The following PPP2R2C variants were observed in gnomAD, a reference collection of about 807,000 sequenced individuals.
PPP2R2C encodes the protein protein phosphatase 2 regulatory subunit Bgamma.
A neutral mutation model predicts 45.3 loss-of-function variants in PPP2R2C; 10 were observed. The observed-to-expected ratio is 0.22, with a 90% confidence interval of 0.14 to 0.37. The LOEUF is 0.37. PPP2R2C is among the 10% of genes least tolerant of loss of function. The pLI is 1.00. For missense variants in PPP2R2C, 308 were observed against 619.7 expected (o/e 0.50, Z 5.34); for synonymous variants, 257 against 245.4 (o/e 1.05, Z -0.44).
At chr4:6,444,531 G>T (rs1397865796) in intron 1 of PPP2R2C, among the ~76,000 whole-genome samples, 1 of 152,160 alleles carries the variant, frequency 6.6e-6, no homozygotes, top group African/African-American at 2.4e-5. Flanking sequence ...GCACAGCCCA[G>T]GTGTAAATCT....
At chr4:6,544,861 T>G (rs754135424) in intron 1 of PPP2R2C, among the ~76,000 whole-genome samples, 4 of 152,248 alleles carry the variant, frequency 2.6e-5, no homozygotes, top group Admixed American at 6.5e-5. Flanking sequence ...AATGTCCCTG[T>G]CACTGCACAG....
chr4:6,396,653 G>C (rs192319762), intron 1 of PPP2R2C, among the ~76,000 whole-genome samples: 1 of 152,334 alleles, frequency 6.6e-6, no homozygotes, highest in African/African-American at 2.4e-5. Flanking sequence ...TCATTTAAGG[G>C]TGTTGATGAT....
chr4:6,355,154 C>A (rs1713033259), intron 5 of PPP2R2C, among the ~76,000 whole-genome samples: 1 of 152,218 alleles, frequency 6.6e-6, no homozygotes, highest in African/African-American at 2.4e-5. Flanking sequence ...AGGATTGCTG[C>A]TGCACCTTCA....
rs886647985 is a variant in PPP2R2C, at chr4:6,364,498, T to C, written c.625+8025A>G. On this transcript the variant is annotated intron_variant, in intron 5 of 8. Coordinates refer to ENST00000382599, the MANE Select transcript of PPP2R2C (RefSeq NM_020416.4). The surrounding 1 kb of genome is among the most constrained non-coding windows in gnomAD (Gnocchi z 5.3). Reference sequence around the variant, plus strand: ...GATCTTGTCGTTTTTTTTTTTCTCATGTTGTAGGAGAACAGACTGTAAGGA... The same window carrying C: ...GATCTTGTCGTTTTTTTTTTTCTCACGTTGTAGGAGAACAGACTGTAAGGA... Among the ~76,000 whole-genome samples the C allele has an allele frequency of 4.6e-5, 7 of 151,480 alleles. No individual in the cohort carries two copies. Among genetic ancestry groups the C allele is most frequent in the Non-Finnish European group, 1.5e-5 (1 of 67,892 alleles).
intron 2 of PPP2R2C, among the ~76,000 whole-genome samples, chr4:6,500,131 T>C (rs1400500514): frequency 6.6e-6 from 1 of 152,200 alleles, no homozygotes; most frequent in East Asian, 1.9e-4. Context: ...AAGATTGCAG[T>C]GGCAGAAGGT....
chr4:6,382,142 C>T (rs1344782918), intron 1 of PPP2R2C: 8 of 1,230,076 alleles, frequency 6.5e-6, no homozygotes, highest in Non-Finnish European at 8.2e-6. Context: ...TAGAAGATTT[C>T]CTATAAAAAT....
intron 1 of PPP2R2C, among the ~76,000 whole-genome samples, chr4:6,431,698 C>A (rs1719632977): frequency 6.6e-6 from 1 of 152,206 alleles, no homozygotes; most frequent in African/African-American, 2.4e-5. Context: ...CACCTCGGGG[C>A]CTGCCTCTGG....
intron 5 of PPP2R2C, chr4:6,349,873 G>A (rs1031933231): frequency 2.0e-6 from 2 of 982,278 alleles, no homozygotes; most frequent in Non-Finnish European, 2.4e-6. Context: ...CCTGGTGACA[G>A]GGCAAGACTC....
intron 1 of PPP2R2C, among the ~76,000 whole-genome samples, chr4:6,557,749 T>C (rs748205209): frequency 9.2e-5 from 14 of 152,090 alleles, no homozygotes; most frequent in Admixed American, 3.3e-4. Context: ...GAGGAGACAA[T>C]GGCTTGACCT....
At chr4:6,383,059 G>A in intron 1 of PPP2R2C, 1 of 1,095,190 alleles carries the variant, frequency 9.1e-7, no homozygotes. Context: ...TTCTGGGCTT[G>A]TCCCTGTGTT....
chr4:6,546,849 G>A (rs1032359028), intron 1 of PPP2R2C, among the ~76,000 whole-genome samples: 4 of 152,192 alleles, frequency 2.6e-5, no homozygotes, highest in African/African-American at 9.7e-5. Flanking sequence ...GTGAAGCGGG[G>A]GCTCTGCCGA....
At chr4:6,531,321 C>G (rs189058414) in intron 2 of PPP2R2C, among the ~76,000 whole-genome samples, 4 of 152,210 alleles carry the variant, frequency 2.6e-5, no homozygotes, top group Non-Finnish European at 5.9e-5. Flanking sequence ...TGCACCCTCA[C>G]AGAGGAAAGG....
intron 5 of PPP2R2C, among the ~76,000 whole-genome samples, chr4:6,356,334 G>A (rs1713187529): frequency 6.6e-6 from 1 of 152,222 alleles, no homozygotes; most frequent in Non-Finnish European, 1.5e-5. Flanking sequence ...CCTTCCATGA[G>A]TGAGGTGTGC....
chr4:6,524,142 G>A (rs910261564), intron 2 of PPP2R2C, among the ~76,000 whole-genome samples: 1 of 151,752 alleles, frequency 6.6e-6, no homozygotes, highest in African/African-American at 2.4e-5. Flanking sequence ...GGCTGGTCTC[G>A]AACTCCTGAC....
intron 1 of PPP2R2C, among the ~76,000 whole-genome samples, chr4:6,547,783 G>T (rs1439164921): frequency 1.3e-5 from 2 of 152,116 alleles, no homozygotes; most frequent in Non-Finnish European, 2.9e-5. Context: ...CGGGACACAG[G>T]CCTCTCATCT....
chr4:6,461,139 C>G (rs988081886), intron 1 of PPP2R2C, among the ~76,000 whole-genome samples: 1 of 152,206 alleles, frequency 6.6e-6, no homozygotes, highest in Non-Finnish European at 1.5e-5. Context: ...ATCGCCTCTC[C>G]CAGGAAGGCG....
chr4:6,443,785 G>A (rs1487968839), intron 1 of PPP2R2C, among the ~76,000 whole-genome samples: 4 of 129,724 alleles, frequency 3.1e-5, no homozygotes, highest in Non-Finnish European at 3.2e-5. Context: ...CCGCCCCCCC[G>A]GAGTCCTTGC....
chr4:6,411,115 C>T (rs1390401617), intron 1 of PPP2R2C, among the ~76,000 whole-genome samples: 3 of 152,040 alleles, frequency 2.0e-5, no homozygotes, highest in Non-Finnish European at 2.9e-5. Flanking sequence ...AAGTGATCTA[C>T]CCACCTCAGC....
At chr4:6,552,728 C>T (rs1216625144) in intron 1 of PPP2R2C, among the ~76,000 whole-genome samples, 1 of 152,142 alleles carries the variant, frequency 6.6e-6, no homozygotes, top group Non-Finnish European at 1.5e-5. Flanking sequence ...GTAACAAATT[C>T]ACAGGTCTGG....
Sources: gnomAD v4.1 joint callset for allele counts (sites outside exome capture counted in the v4.1 genomes callset) on GRCh38, gnomAD v4.1.1 for gene constraint, Gnocchi (gnomAD v3.1) non-coding constraint, MANE v1.5 for transcripts, NCBI Gene and HGNC (gene_info 2026-07-23, HGNC 2026-07-21) for gene names.